The following FHIT variants were observed in gnomAD, a reference collection of about 807,000 sequenced individuals.
The protein encoded by FHIT is bis(5'-adenosyl)-triphosphatase.
FHIT carries 19 observed loss-of-function variants against 17.9 expected under a neutral mutation model. The ratio of observed to expected loss-of-function variants is 1.06; its 90% CI spans 0.74 to 1.56. The LOEUF (loss-of-function observed/expected upper bound fraction) is 1.56, where lower values mean the gene tolerates loss of function less well. Ranked by LOEUF, FHIT falls within the 40% of genes most tolerant of loss-of-function variation. The probability of loss-of-function intolerance (pLI) is 0.00; values close to 1 mark genes in which losing one functional copy is unlikely to be tolerated. For synonymous variants in FHIT, 81 were observed against 69.7 expected (o/e 1.16, Z -0.81); for missense variants, 248 against 189.2 (o/e 1.31, Z -1.82).
intron 8 of FHIT, among the ~76,000 whole-genome samples, chr3:59,881,618 GTA>G (rs148502261): frequency 3.9e-5 from 6 of 152,252 alleles, no homozygotes; most frequent in African/African-American, 1.4e-4. Flanking sequence ...AAACTCCAGT[GTA>G]AAAAACTGGC....
intron 4 of FHIT, among the ~76,000 whole-genome samples, chr3:60,818,130 C>A (rs1553738230): frequency 6.6e-6 from 1 of 151,930 alleles, no homozygotes; most frequent in African/African-American, 2.4e-5. Flanking sequence ...TGTTTACTAC[C>A]TTCTTATTCA....
chr3:59,870,185 G>A (rs969395372), intron 8 of FHIT, among the ~76,000 whole-genome samples: 31 of 152,108 alleles, frequency 2.0e-4, no homozygotes, highest in African/African-American at 4.8e-4. Context: ...CCCCTGCATC[G>A]CGAGCATCAG....
chr3:59,833,078 A>T (rs558817206), intron 8 of FHIT, among the ~76,000 whole-genome samples: 2 of 152,318 alleles, frequency 1.3e-5, no homozygotes, highest in Admixed American at 6.5e-5. Context: ...GAGCACAAGC[A>T]TATATGACAT....
At chr3:60,660,215 G>T (rs898969537) in intron 4 of FHIT, among the ~76,000 whole-genome samples, 2 of 152,178 alleles carry the variant, frequency 1.3e-5, no homozygotes, top group Non-Finnish European at 2.9e-5. Context: ...AGAAGGGCTT[G>T]CAACAATGGA....
chr3:59,793,638 G>A (rs948032931), intron 8 of FHIT, among the ~76,000 whole-genome samples: 4 of 152,154 alleles, frequency 2.6e-5, no homozygotes, highest in South Asian at 2.1e-4. Flanking sequence ...AGCATGGTCC[G>A]AAGACAATGT....
intron 2 of FHIT, among the ~76,000 whole-genome samples, chr3:61,071,708 C>T (rs184137767): frequency 3.3e-5 from 5 of 151,874 alleles, no homozygotes; most frequent in Non-Finnish European, 5.9e-5. Flanking sequence ...TATATTTCTA[C>T]GTTGGCATAT....
intron 5 of FHIT, among the ~76,000 whole-genome samples, chr3:60,241,533 C>A (rs1387726783): frequency 6.6e-6 from 1 of 152,048 alleles, no homozygotes; most frequent in Non-Finnish European, 1.5e-5. Context: ...TCCTATTAAT[C>A]TGTAGTTTTT....
At chr3:60,577,185 G>A in intron 4 of FHIT, among the ~76,000 whole-genome samples, 1 of 152,018 alleles carries the variant, frequency 6.6e-6, no homozygotes, top group East Asian at 1.9e-4. Flanking sequence ...GGTACTACAT[G>A]GTTCTGGCCC....
chr3:59,914,191 T>C (rs1705020313), intron 8 of FHIT, among the ~76,000 whole-genome samples: 1 of 132,348 alleles, frequency 7.6e-6, no homozygotes, highest in Non-Finnish European at 1.7e-5. Context: ...ACATTATTAA[T>C]GAGATATTTA....
At chr3:60,193,611 A>C (rs1157978889) in intron 5 of FHIT, among the ~76,000 whole-genome samples, 3 of 152,202 alleles carry the variant, frequency 2.0e-5, no homozygotes, top group African/African-American at 7.2e-5. Flanking sequence ...TTGACAAGTC[A>C]TTTTATAGAA....
chr3:60,074,704 G>C (rs181311794), intron 5 of FHIT, among the ~76,000 whole-genome samples: 1 of 149,912 alleles, frequency 6.7e-6, no homozygotes, highest in Admixed American at 6.6e-5. Flanking sequence ...TGATGTTCTT[G>C]TTGGCAGAAA....
At position 60,475,989 on chromosome 3, in the gene FHIT, G is replaced by T. The variant is rs558272694; in HGVS notation, c.103+60871C>A. Among the ~76,000 whole-genome samples the T allele has an allele frequency of 4.6e-5, 7 of 152,258 alleles. No individual in the cohort carries two copies. In the South Asian group the frequency reaches 1.0e-3, roughly 23 times the overall value. ...ATAACACACAGGGAACTTGGCACAA[G>T]AACTGGCATACAATTCCCGAAATAG... is the stretch of plus-strand genomic sequence containing the variant. On this transcript the variant is annotated intron_variant, in intron 5 of 9. Coordinates refer to ENST00000492590, the MANE Select transcript of FHIT (RefSeq NM_002012.4).
intron 8 of FHIT, among the ~76,000 whole-genome samples, chr3:59,873,835 T>C (rs1274820185): frequency 6.6e-6 from 1 of 152,178 alleles, no homozygotes; most frequent in African/African-American, 2.4e-5. Flanking sequence ...CTTTCACATG[T>C]GTTCCAGTTT....
In FHIT at chr3:60,093,506, T is replaced by C. The variant is rs535152764; in HGVS notation, c.104-79354A>G. 7.9e-5 allele frequency among the ~76,000 whole-genome samples: 12 copies of C among 152,206 alleles called. No individual in the cohort carries two copies. The East Asian group carries it at 2.1e-3, about 27-fold the overall frequency. On this transcript the variant is annotated intron_variant, in intron 5 of 9. Transcript: ENST00000492590. ...TGCAACCTTAATTCCCCACTGCATA[T>C]AAGGTAACACAGCCACAGTTTCTGG...
At chr3:60,232,145 G>A (rs1306241798) in intron 5 of FHIT, among the ~76,000 whole-genome samples, 1 of 152,136 alleles carries the variant, frequency 6.6e-6, no homozygotes, top group East Asian at 1.9e-4. Context: ...GATGTCATTT[G>A]TTCATGCACA....
intron 5 of FHIT, among the ~76,000 whole-genome samples, chr3:60,372,003 T>G (rs1230289716): frequency 6.6e-6 from 1 of 152,196 alleles, no homozygotes; most frequent in Non-Finnish European, 1.5e-5. Context: ...TATTCTTTCA[T>G]ACCATAAAGC....
At chr3:61,094,002 T>C (rs1468214148) in intron 2 of FHIT, among the ~76,000 whole-genome samples, 1 of 152,190 alleles carries the variant, frequency 6.6e-6, no homozygotes, top group African/African-American at 2.4e-5. Context: ...GCAACTAGAC[T>C]CCAAGTTCAA....
At chr3:60,074,186 T>G (rs966770143) in intron 5 of FHIT, among the ~76,000 whole-genome samples, 4 of 151,924 alleles carry the variant, frequency 2.6e-5, no homozygotes, top group African/African-American at 9.7e-5. Context: ...AGAATCAGAG[T>G]AAATGACTCT....
chr3:60,989,177 T>G (rs1349545580), intron 3 of FHIT, among the ~76,000 whole-genome samples: 1 of 152,104 alleles, frequency 6.6e-6, no homozygotes, highest in Non-Finnish European at 1.5e-5. Context: ...ATGTATTTAT[T>G]TTTTAGGCAG....
Sources: gnomAD v4.1 joint callset for allele counts (sites outside exome capture counted in the v4.1 genomes callset) on GRCh38, gnomAD v4.1.1 for gene constraint, MANE v1.5 for transcripts, NCBI Gene and HGNC (gene_info 2026-07-23, HGNC 2026-07-21) for gene names.